COL5A2: variants seen among roughly 807,000 people sequenced by gnomAD.
The protein encoded by COL5A2 is collagen alpha-2(V) chain.
A neutral mutation model predicts 208.2 loss-of-function variants in COL5A2; 23 were observed. The observed-to-expected ratio is 0.11, with a 90% confidence interval of 0.08 to 0.16. The LOEUF is 0.16. Ranked by LOEUF, COL5A2 falls within the 10% of genes least tolerant of loss-of-function variation. The pLI, the probability that COL5A2 is intolerant of heterozygous loss-of-function variation, is 1.00. For missense variants in COL5A2, 1,590 were observed against 1,956.4 expected (o/e 0.81, Z 3.53); for synonymous variants, 625 against 628.5 (o/e 0.99, Z 0.08).
At chr2:189,087,786 T>A (rs1294903236) in intron 8 of COL5A2, among the ~76,000 whole-genome samples, 2 of 151,906 alleles carry the variant, frequency 1.3e-5, no homozygotes, top group Non-Finnish European at 2.9e-5. Flanking sequence ...TTTATTCTTA[T>A]GGCAAGATTT....
intron 4 of COL5A2, among the ~76,000 whole-genome samples, chr2:189,099,224 TAAATA>T (rs1477453290): frequency 6.6e-6 from 1 of 152,122 alleles, no homozygotes; most frequent in Non-Finnish European, 1.5e-5. Flanking sequence ...TTTTTAAAAT[TAAATA>T]AAACAATATG....
chr2:189,102,882 A>G (rs1271233563), intron 3 of COL5A2, among the ~76,000 whole-genome samples: 1 of 152,094 alleles, frequency 6.6e-6, no homozygotes, highest in African/African-American at 2.4e-5. Context: ...ACAAATGAAA[A>G]CAAGTCATGA....
At chr2:189,326,907 C>T in the COL5A2 span, among the ~76,000 whole-genome samples, 6 of 151,770 alleles carry the variant, frequency 4.0e-5, no homozygotes, top group Admixed American at 3.3e-4. Flanking sequence ...CACATCTCTA[C>T]TAAAAATACA....
chr2:189,285,176 G>C, the COL5A2 span, among the ~76,000 whole-genome samples: 1 of 151,410 alleles, frequency 6.6e-6, no homozygotes, highest in Non-Finnish European at 1.5e-5. Flanking sequence ...GAGCAAGGCA[G>C]TATGAACCCC....
chr2:189,111,230 ATATG>A (rs1053277555), intron 1 of COL5A2, among the ~76,000 whole-genome samples: 48 of 151,722 alleles, frequency 3.2e-4, no homozygotes, highest in African/African-American at 1.1e-3. Flanking sequence ...ACACACATAT[ATATG>A]TGTGTGTGTG....
intron 1 of COL5A2, among the ~76,000 whole-genome samples, chr2:189,150,360 A>G (rs79532642): frequency 0.021 from 3,236 of 152,276 alleles, 53 homozygotes; most frequent in Non-Finnish European, 0.033. Context: ...GCCAAATATC[A>G]GGACACAAAT....
At chr2:189,426,018 A>G in the COL5A2 span, among the ~76,000 whole-genome samples, 1 of 152,216 alleles carries the variant, frequency 6.6e-6, no homozygotes, top group Non-Finnish European at 1.5e-5. Flanking sequence ...CAGTAAATAC[A>G]GAAAATTGGT....
chr2:189,097,223 A>T, intron 6 of COL5A2, 54 bp downstream of exon 6: 1 of 1,552,418 alleles, frequency 6.4e-7, no homozygotes, highest in Non-Finnish European at 8.9e-7. Context: ...CAGAGAACAC[A>T]GTGTAAACTG....
chr2:189,433,173 T>C, the COL5A2 span, among the ~76,000 whole-genome samples: 1 of 152,194 alleles, frequency 6.6e-6, no homozygotes. Context: ...CTGGGACACA[T>C]TTAAAGCAAT....
chr2:189,418,219 T>C, the COL5A2 span, among the ~76,000 whole-genome samples: 1 of 152,178 alleles, frequency 6.6e-6, no homozygotes, highest in Non-Finnish European at 1.5e-5. Flanking sequence ...TAATAAAAAT[T>C]TGTTTTCTCA....
chr2:189,181,902 C>A (rs1324989560), upstream of COL5A2, among the ~76,000 whole-genome samples: 1 of 152,206 alleles, frequency 6.6e-6, no homozygotes, highest in African/African-American at 2.4e-5. Flanking sequence ...CCTCTTCCCA[C>A]CCTACTGAAA....
intron 1 of COL5A2, among the ~76,000 whole-genome samples, chr2:189,195,823 A>G (rs1327041675): frequency 1.3e-5 from 2 of 151,876 alleles, no homozygotes; most frequent in Admixed American, 1.3e-4. Context: ...CTCTCGATAG[A>G]TTAAATGTAA....
the COL5A2 span, among the ~76,000 whole-genome samples, chr2:189,232,329 C>T: frequency 6.6e-6 from 1 of 151,542 alleles, no homozygotes; most frequent in East Asian, 1.9e-4. Flanking sequence ...ACGTAATAGG[C>T]CATTTCTTCC....
At chr2:189,353,017 T>A in the COL5A2 span, among the ~76,000 whole-genome samples, 2 of 152,206 alleles carry the variant, frequency 1.3e-5, no homozygotes, top group African/African-American at 4.8e-5. Flanking sequence ...GGCTAGCCAG[T>A]TTTCCCAACG....
the COL5A2 span, among the ~76,000 whole-genome samples, chr2:189,377,014 G>A: frequency 6.6e-6 from 1 of 152,038 alleles, no homozygotes; most frequent in Non-Finnish European, 1.5e-5. Flanking sequence ...TGTAACTAAG[G>A]CTCATATGAT....
rs765138557 is a variant in COL5A2, at chr2:189,179,619, C to CATGATGTGGGTTAG, written c.-16_-15insCTAACCCACATCAT. The CATGATGTGGGTTAG allele has an allele frequency of 3.6e-5, 58 of 1,593,938 alleles. No homozygotes were observed. The highest frequency in any genetic ancestry group is 4.7e-5 in the Non-Finnish European group (55 of 1,167,540). ...TTTGCCATCATGTCTAAATATTAGA[C>CATGATGTGGGTTAG]ATGTGGGTTCTCCTGAGAGTGAAAA... On this transcript the variant is annotated 5_prime_UTR_variant, in exon 1 of 54. In the 5' UTR this introduces an upstream ATG that the reference lacks. Transcript: ENST00000374866.
At chr2:189,251,251 A>AG in the COL5A2 span, among the ~76,000 whole-genome samples, 3 of 152,308 alleles carry the variant, frequency 2.0e-5, no homozygotes, top group South Asian at 6.2e-4. Flanking sequence ...AAAAGGAGAG[A>AG]GTGCCAGTGT....
chr2:189,196,250 A>T (rs947358815), intron 1 of COL5A2, among the ~76,000 whole-genome samples: 3 of 151,894 alleles, frequency 2.0e-5, no homozygotes, highest in African/African-American at 7.3e-5. Flanking sequence ...TCTGTCTTGC[A>T]ATGTTTCTGA....
At chr2:189,258,174 T>G in the COL5A2 span, among the ~76,000 whole-genome samples, 1 of 152,284 alleles carries the variant, frequency 6.6e-6, no homozygotes, top group African/African-American at 2.4e-5. Flanking sequence ...TGAAATAAAT[T>G]TATTTATGTT....
Sources: gnomAD v4.1 joint callset for allele counts (sites outside exome capture counted in the v4.1 genomes callset) on GRCh38, gnomAD v4.1.1 for gene constraint, MANE v1.5 for transcripts, NCBI Gene and HGNC (gene_info 2026-07-23, HGNC 2026-07-21) for gene names.